PNPLA8: variants seen among roughly 807,000 people sequenced by gnomAD.
The protein encoded by PNPLA8 is patatin like domain 8, phospholipase A2.
A neutral mutation model predicts 76.9 loss-of-function variants in PNPLA8; 39 were observed. The ratio of observed to expected loss-of-function variants is 0.51; its 90% CI spans 0.39 to 0.66. The LOEUF (loss-of-function observed/expected upper bound fraction) is 0.66, where lower values mean the gene tolerates loss of function less well. Ranked by LOEUF, PNPLA8 falls within the 30% of genes least tolerant of loss-of-function variation. PNPLA8 has a pLI of 0.00. For synonymous variants in PNPLA8, 301 were observed against 307.9 expected (o/e 0.98, Z 0.24); for missense variants, 887 against 918.0 (o/e 0.97, Z 0.44).
At chr7:108,490,506 G>A (rs1221578137) in intron 8 of PNPLA8, among the ~76,000 whole-genome samples, 1 of 152,242 alleles carries the variant, frequency 6.6e-6, no homozygotes, top group African/African-American at 2.4e-5. Context: ...TAAGAAGGCT[G>A]GGCGCGGTGG....
chr7:108,474,040 T>C (rs899252790), intron 10 of PNPLA8, among the ~76,000 whole-genome samples: 37 of 152,174 alleles, frequency 2.4e-4, no homozygotes, highest in African/African-American at 8.9e-4. Context: ...GAATTCTCTA[T>C]ATATTTTGAA....
intron 6 of PNPLA8, 47 bp downstream of exon 6, chr7:108,497,421 GCTTAATGTTCTTTTC>G: frequency 9.0e-7 from 1 of 1,109,032 alleles, no homozygotes; most frequent in South Asian, 1.3e-5. Context: ...AAACATAAGT[GCTTAATGTTCTTTTC>G]CTTAATGTAC....
chr7:108,500,722 C>G (rs916729336), intron 5 of PNPLA8, among the ~76,000 whole-genome samples: 1 of 152,118 alleles, frequency 6.6e-6, no homozygotes, highest in African/African-American at 2.4e-5. Context: ...CCAGCCTTGC[C>G]AACATGGTGA....
intron 7 of PNPLA8, 183 bp downstream of exon 7, chr7:108,496,401 T>C (rs1861550190): frequency 9.0e-6 from 4 of 443,060 alleles, no homozygotes. Flanking sequence ...AAACAATTAC[T>C]AAACTATGAT....
At chr7:108,520,808 CAT>C (rs1162225929) in intron 2 of PNPLA8, among the ~76,000 whole-genome samples, 2 of 151,994 alleles carry the variant, frequency 1.3e-5, no homozygotes, top group African/African-American at 4.8e-5. Context: ...TGAGGTAATG[CAT>C]ATGTTAGATT....
At position 108,510,726 on chromosome 7, in the gene PNPLA8, G is replaced by A. The variant is rs572298609; in HGVS notation, c.1206+3418C>T. 9.7e-5 allele frequency: 155 copies of A among 1,600,810 alleles called. 2 individuals carry two copies. In the Middle Eastern group the frequency reaches 1.4e-3, roughly 14 times the overall value. ...GGTTATGGCAAAATCAATAAGAAGC[G>A]AATTGCTTTGACAGATAACGCTTTG... On this transcript the variant is annotated intron_variant, in intron 4 of 10. Transcript: ENST00000257694.
intron 2 of PNPLA8, among the ~76,000 whole-genome samples, chr7:108,520,115 T>C (rs1326161099): frequency 6.6e-6 from 1 of 152,242 alleles, no homozygotes; most frequent in East Asian, 1.9e-4. Flanking sequence ...TTCTCACCTG[T>C]GCACATTAAT....
intron 9 of PNPLA8, among the ~76,000 whole-genome samples, chr7:108,482,809 T>C (rs564065042): frequency 6.6e-6 from 1 of 152,370 alleles, no homozygotes; most frequent in Admixed American, 6.5e-5. Context: ...GGTTTCCAAT[T>C]ATTCTTTGCT....
chr7:108,510,980 G>A (rs1005015402), intron 4 of PNPLA8: 20 of 1,456,288 alleles, frequency 1.4e-5, no homozygotes, highest in Non-Finnish European at 1.7e-5. Flanking sequence ...GAACTAAGGT[G>A]TCTACCATGA....
intron 1 of PNPLA8, among the ~76,000 whole-genome samples, chr7:108,525,069 C>T (rs1782266414): frequency 6.6e-6 from 1 of 151,850 alleles, no homozygotes; most frequent in Non-Finnish European, 1.5e-5. Flanking sequence ...TAATTTAGTC[C>T]TGATATAGAA....
chr7:108,524,716 A>G (rs190396329), intron 1 of PNPLA8, among the ~76,000 whole-genome samples: 6 of 152,274 alleles, frequency 3.9e-5, no homozygotes, highest in Admixed American at 3.3e-4. Context: ...GCTACTCGGG[A>G]GGCTGAAGCA....
In PNPLA8 at chr7:108,514,733, G is replaced by A. The variant is rs770137839; in HGVS notation, c.759C>T (p.Ile253=). ...ATTCTGAGCCTGGCTTATAAGCCAG[G>A]ATGCCAGGATCTGGAGATCTTAATT... ...EGKLRSPDPG[I]LAYKPGSESV... is the part of the protein sequence containing the mutation. Residue 253 remains isoleucine, a synonymous_variant, in exon 3 of 11, where the codon ATC becomes ATT. Coordinates refer to ENST00000257694, the MANE Select transcript of PNPLA8 (RefSeq NM_001256007.3). 11 of 1,613,640 alleles carry A rather than the reference G, an allele frequency of 6.8e-6. No individual in the cohort carries two copies. In the East Asian group the frequency reaches 2.0e-4, roughly 29 times the overall value.
At chr7:108,474,241 A>C (rs906396566) in intron 10 of PNPLA8, among the ~76,000 whole-genome samples, 2 of 152,078 alleles carry the variant, frequency 1.3e-5, no homozygotes, top group African/African-American at 2.4e-5. Flanking sequence ...TCTTTACCCA[A>C]GGTCATTAAG....
chr7:108,496,821 GA>G, intron 6 of PNPLA8, 66 bp from the exon 7 acceptor site: 1 of 1,264,450 alleles, frequency 7.9e-7, no homozygotes, highest in Non-Finnish European at 1.1e-6. Context: ...AAGATTTCCT[GA>G]ATCATAGTTT....
chr7:108,506,459 G>C (rs115856433), intron 4 of PNPLA8, among the ~76,000 whole-genome samples: 15,358 of 152,036 alleles, frequency 0.1, 797 homozygotes, highest in Non-Finnish European at 0.11. Context: ...GAATAAATTG[G>C]CACAAGCACT....
chr7:108,497,395 A>G, intron 6 of PNPLA8, 88 bp downstream of exon 6: 1 of 880,396 alleles, frequency 1.1e-6, no homozygotes, highest in Admixed American at 2.6e-5. Context: ...TGAAGAAGGC[A>G]AAGGACTATG....
chr7:108,498,115 GA>G (rs931738183), intron 5 of PNPLA8, among the ~76,000 whole-genome samples: 7 of 88,224 alleles, frequency 7.9e-5, no homozygotes, highest in Non-Finnish European at 9.5e-5. Flanking sequence ...ATATAAAATT[GA>G]AAAAAAAAAC....
At chr7:108,510,779 A>G in intron 4 of PNPLA8, 3 of 1,601,648 alleles carry the variant, frequency 1.9e-6, no homozygotes, top group Non-Finnish European at 2.5e-6. Flanking sequence ...TAAATATGGC[A>G]TCATCTGCAT....
At chr7:108,485,705 C>T (rs1157334429) in intron 9 of PNPLA8, among the ~76,000 whole-genome samples, 1 of 152,078 alleles carries the variant, frequency 6.6e-6, no homozygotes, top group Non-Finnish European at 1.5e-5. Context: ...TTAAAATATT[C>T]CCATCAATCT....
Sources: gnomAD v4.1 joint callset for allele counts (sites outside exome capture counted in the v4.1 genomes callset) on GRCh38, gnomAD v4.1.1 for gene constraint, MANE v1.5 for transcripts, NCBI Gene and HGNC (gene_info 2026-07-23, HGNC 2026-07-21) for gene names.